Variants in NECTIN3 observed in about 807,000 individuals in gnomAD.
NECTIN3 encodes the protein nectin cell adhesion molecule 3.
In NECTIN3, 8 loss-of-function variants were observed where a neutral mutation model predicts 49.4. The ratio of observed to expected loss-of-function variants is 0.16; its 90% CI spans 0.10 to 0.29. The LOEUF is 0.29. Ranked by LOEUF, NECTIN3 falls within the 10% of genes least tolerant of loss-of-function variation. The pLI, the probability that NECTIN3 is intolerant of heterozygous loss-of-function variation, is 1.00. For synonymous variants in NECTIN3, 277 were observed against 241.1 expected, an observed-to-expected ratio of 1.15 and a Z score of -1.38; for missense variants, 581 against 654.6, an observed-to-expected ratio of 0.89 and a Z score of 1.23.
intron 7 of NECTIN3, among the ~76,000 whole-genome samples, chr3:111,157,293 A>G (rs938204951): frequency 1.1e-4 from 17 of 152,140 alleles, no homozygotes; most frequent in African/African-American, 4.1e-4. Flanking sequence ...TAATAGCAAA[A>G]TACATATGTT....
intron 7 of NECTIN3, among the ~76,000 whole-genome samples, chr3:111,160,864 G>A (rs1329313198): frequency 2.0e-5 from 3 of 152,076 alleles, no homozygotes; most frequent in Non-Finnish European, 4.4e-5. Flanking sequence ...AAACTTAGCC[G>A]GGTGTGTTGG....
At chr3:111,168,747 G>A (rs994921434) in intron 7 of NECTIN3, among the ~76,000 whole-genome samples, 6 of 152,168 alleles carry the variant, frequency 3.9e-5, no homozygotes, top group African/African-American at 7.2e-5. Context: ...AGAGACTACC[G>A]AAAGAATACA....
intron 7 of NECTIN3, among the ~76,000 whole-genome samples, chr3:111,175,844 T>C (rs991449162): frequency 6.6e-6 from 1 of 152,218 alleles, no homozygotes; most frequent in Non-Finnish European, 1.5e-5. Context: ...CCATCCAATT[T>C]GTTCAGGGAG....
chr3:111,135,072 A>G lies in NECTIN3; in HGVS notation c.*857A>G. On this transcript the variant is annotated 3_prime_UTR_variant, in exon 6 of 6. Coordinates refer to ENST00000485303, the MANE Select transcript of NECTIN3 (RefSeq NM_015480.3). ...TAAACATACTAATAGAAATGAAAAG[A>G]CGCAGAGAGAGCATTTCGGAATACT... 7.1e-6 allele frequency: 7 copies of G among 981,232 alleles called. No homozygotes were observed. Among genetic ancestry groups the G allele is most frequent in the Non-Finnish European group, 8.5e-6 (7 of 826,482 alleles). The allele number at this position is 981,232 out of a possible 1,614,324, so 60.8% of individuals were successfully genotyped here.
chr3:111,193,167 C>G, intron 1 of NECTIN3: 1 of 1,508,480 alleles, frequency 6.6e-7, no homozygotes, highest in Non-Finnish European at 8.9e-7. Flanking sequence ...CAAACAGCTG[C>G]TCTGCTAATG....
chr3:111,168,491 T>C (rs1336710591), intron 7 of NECTIN3, among the ~76,000 whole-genome samples: 3 of 152,176 alleles, frequency 2.0e-5, no homozygotes, highest in Non-Finnish European at 4.4e-5. Context: ...TACACACATA[T>C]ATATATAAAT....
At chr3:111,129,488 G>C (rs190230273) in intron 5 of NECTIN3, among the ~76,000 whole-genome samples, 2 of 152,036 alleles carry the variant, frequency 1.3e-5, no homozygotes, top group Admixed American at 1.3e-4. Flanking sequence ...ATACAGTTTT[G>C]TTGCATGAAT....
intron 7 of NECTIN3, among the ~76,000 whole-genome samples, chr3:111,179,491 ATTCTC>A (rs2035589165): frequency 6.6e-6 from 1 of 152,210 alleles, no homozygotes; most frequent in Non-Finnish European, 1.5e-5. Context: ...GAAATCTGTC[ATTCTC>A]TTAGTGGGTT....
At chr3:111,191,760 G>C (rs1173179153), upstream of NECTIN3, among the ~76,000 whole-genome samples, 1 of 152,134 alleles carries the variant, frequency 6.6e-6, no homozygotes, top group Admixed American at 6.6e-5. Flanking sequence ...AAGACCTTCT[G>C]TGGTGAGCTC....
intron 1 of NECTIN3, among the ~76,000 whole-genome samples, chr3:111,089,067 A>G (rs2032099639): frequency 1.3e-5 from 2 of 152,006 alleles, no homozygotes; most frequent in African/African-American, 4.8e-5. Context: ...CATGCTTTCA[A>G]ATCTTTTGAC....
In NECTIN3 at chr3:111,136,714, A is replaced by G. The variant is rs2034590684; in HGVS notation, c.*2499A>G. On this transcript the variant is annotated 3_prime_UTR_variant, in exon 6 of 6. Coordinates refer to ENST00000485303, the MANE Select transcript of NECTIN3 (RefSeq NM_015480.3). ...ATTTGTACTATTTTTGGCCATATTT[A>G]TATTTATTTCTTTCATATGGTTTGA... 2.2e-6 allele frequency: 2 copies of G among 918,688 alleles called. No individual in the cohort carries two copies. Among genetic ancestry groups the G allele is most frequent in the Non-Finnish European group, 2.6e-6 (2 of 769,588 alleles). 56.9% of individuals were successfully genotyped at this position (918,688 alleles called of 1,614,324 possible).
rs116871537 is a variant in NECTIN3, at chr3:111,157,509, C to G, written c.1221+10025C>G. Among the ~76,000 whole-genome samples the G allele has an allele frequency of 2.8e-3, 425 of 152,036 alleles. 12 individuals carry two copies. The highest frequency in any genetic ancestry group is 0.021 in the Admixed American group (315 of 15,272). On this transcript the variant is annotated intron_variant, in intron 7 of 8. Coordinates refer to the NECTIN3 transcript ENST00000493615. ...AACTCCATGATGATTTCTTATTGTT[C>G]CATTGATTGGGGAATGTAGTTTTTC... is the stretch of plus-strand genomic sequence containing the variant.
chr3:111,123,522 A>G (rs1333680586), intron 4 of NECTIN3, among the ~76,000 whole-genome samples: 1 of 152,192 alleles, frequency 6.6e-6, no homozygotes, highest in Non-Finnish European at 1.5e-5. Flanking sequence ...TACCACTAAT[A>G]GAAGAGTGGA....
chr3:111,150,135 T>C (rs1450620452), intron 7 of NECTIN3, among the ~76,000 whole-genome samples: 3 of 152,074 alleles, frequency 2.0e-5, no homozygotes, highest in Non-Finnish European at 4.4e-5. Context: ...TTAGAAATCA[T>C]GATCAGGAGA....
intron 5 of NECTIN3, among the ~76,000 whole-genome samples, chr3:111,128,574 C>G (rs933245664): frequency 6.6e-6 from 1 of 152,080 alleles, no homozygotes. Context: ...TGATACCAAA[C>G]ATATTTCTGT....
At chr3:111,083,626 G>T (rs1279068966) in intron 1 of NECTIN3, among the ~76,000 whole-genome samples, 1 of 152,162 alleles carries the variant, frequency 6.6e-6, no homozygotes, top group Non-Finnish European at 1.5e-5. Flanking sequence ...ATGGTATTTT[G>T]TTAAAGCAGC....
Position 111,133,760 on chromosome 3 carries a change from G to T in NECTIN3, c.1195G>T (p.Asp399Tyr), listed in dbSNP as rs746124956. 1.2e-6 allele frequency: 2 copies of T among 1,613,836 alleles called. No homozygotes were observed. The highest frequency in any genetic ancestry group is 1.7e-6 in the Non-Finnish European group (2 of 1,179,894). ...FPLSTLATIK[D>Y]DTIATIIASV... is the part of the protein sequence containing the mutation. ...ATTGTCAACTTTGGCAACAATTAAG[G>T]ATGACACAATTGCCACGATCATTGC... The change falls in exon 6 of 6, where the codon GAT (aspartate) becomes TAT (tyrosine). Residue 399 changes from aspartate (D) to tyrosine (Y), a missense_variant. Physicochemically the swap from Asp to Tyr is radical, Grantham distance 160. Transcript: ENST00000485303.
chr3:111,077,460 A>G (rs2031296525), intron 1 of NECTIN3, among the ~76,000 whole-genome samples: 1 of 151,988 alleles, frequency 6.6e-6, no homozygotes, highest in South Asian at 2.1e-4. Context: ...AAGAACAGAA[A>G]AAGGGAGTGG....
intron 1 of NECTIN3, among the ~76,000 whole-genome samples, chr3:111,090,184 C>T (rs2032179806): frequency 6.6e-6 from 1 of 152,102 alleles, no homozygotes; most frequent in Admixed American, 6.6e-5. Flanking sequence ...GAAAGTCAGT[C>T]TACTAGGGTT....
Sources: allele counts gnomAD v4.1 joint callset (sites outside exome capture counted in the v4.1 genomes callset), GRCh38; gene constraint gnomAD v4.1.1; transcripts MANE v1.5; gene names NCBI Gene and HGNC (gene_info 2026-07-23, HGNC 2026-07-21).